The following SUFU variants were observed in gnomAD, a reference collection of about 807,000 sequenced individuals.
SUFU encodes the protein suppressor of fused homolog.
Under a neutral mutation model 58.9 loss-of-function variants are expected in SUFU, and 7 were observed. The ratio of observed to expected loss-of-function variants is 0.12; its 90% CI spans 0.07 to 0.22. The LOEUF is 0.22. Among genes scored for constraint, SUFU ranks in the 10% least tolerant of loss-of-function variants. SUFU has a pLI of 1.00. For missense variants in SUFU, 451 were observed against 641.3 expected, an observed-to-expected ratio of 0.70 and a Z score of 3.20; for synonymous variants, 232 against 254.8, an observed-to-expected ratio of 0.91 and a Z score of 0.85.
At chr10:102,618,980 A>T in intron 10 of SUFU, 4 of 718,526 alleles carry the variant, frequency 5.6e-6, no homozygotes, top group Non-Finnish European at 9.0e-6. Flanking sequence ...GTGTGTGTGT[A>T]ATGTTCAAGC....
chr10:102,540,257 C>G (rs1263133092), intron 2 of SUFU, among the ~76,000 whole-genome samples: 1 of 152,164 alleles, frequency 6.6e-6, no homozygotes, highest in East Asian at 1.9e-4. Context: ...GTGGCCAGAA[C>G]TAGGAAACAC....
At chr10:102,534,343 C>T (rs2062710975) in intron 2 of SUFU, among the ~76,000 whole-genome samples, 2 of 152,208 alleles carry the variant, frequency 1.3e-5, no homozygotes, top group Non-Finnish European at 2.9e-5. Flanking sequence ...AGGAGAATGG[C>T]GTGAACCCGG....
At chr10:102,556,337 G>A (rs564750346) in intron 3 of SUFU, among the ~76,000 whole-genome samples, 14 of 152,344 alleles carry the variant, frequency 9.2e-5, no homozygotes, top group Admixed American at 5.2e-4. Context: ...GGAGAGAAAA[G>A]GAAGTAGAAA....
At chr10:102,593,259 A>G (rs924120006) in intron 4 of SUFU, among the ~76,000 whole-genome samples, 2 of 152,180 alleles carry the variant, frequency 1.3e-5, no homozygotes, top group African/African-American at 4.8e-5. Context: ...TCTCTTGTTT[A>G]CATTCCCCAT....
At chr10:102,608,870 T>C (rs576636447) in intron 8 of SUFU, among the ~76,000 whole-genome samples, 30 of 152,354 alleles carry the variant, frequency 2.0e-4, no homozygotes, top group African/African-American at 6.7e-4. Flanking sequence ...ATGGGACATA[T>C]TCCATCCACC....
At chr10:102,530,021 G>A (rs934802362) in intron 2 of SUFU, among the ~76,000 whole-genome samples, 25 of 152,036 alleles carry the variant, frequency 1.6e-4, no homozygotes, top group Non-Finnish European at 1.2e-4. Context: ...GCCAGACACT[G>A]TGCTGTCACA....
At chr10:102,561,999 T>C (rs2063042796) in intron 3 of SUFU, among the ~76,000 whole-genome samples, 1 of 152,148 alleles carries the variant, frequency 6.6e-6, no homozygotes, top group Non-Finnish European at 1.5e-5. Flanking sequence ...TTGCACAGTT[T>C]AGAGTTCCAG....
chr10:102,602,157 C>A (rs1223576169), intron 8 of SUFU, among the ~76,000 whole-genome samples: 1 of 152,206 alleles, frequency 6.6e-6, no homozygotes, highest in African/African-American at 2.4e-5. Context: ...TTTATCTTAT[C>A]CTCATAGCCA....
intron 2 of SUFU, among the ~76,000 whole-genome samples, chr10:102,512,642 C>T (rs773949929): frequency 6.6e-6 from 1 of 152,066 alleles, no homozygotes; most frequent in Non-Finnish European, 1.5e-5. Context: ...AAGAGTGAAA[C>T]CTCTATTTGG....
At chr10:102,621,348 C>T (rs2063738810) in intron 10 of SUFU, among the ~76,000 whole-genome samples, 1 of 152,184 alleles carries the variant, frequency 6.6e-6, no homozygotes, top group South Asian at 2.1e-4. Context: ...AGTACCCTCC[C>T]TTGTAGGAAA....
chr10:102,615,908 A>G (rs999548795), intron 9 of SUFU, among the ~76,000 whole-genome samples: 1 of 152,036 alleles, frequency 6.6e-6, no homozygotes, highest in African/African-American at 2.4e-5. Context: ...TGGAGTCAGA[A>G]TCCACAGGGA....
intron 1 of SUFU, among the ~76,000 whole-genome samples, chr10:102,505,341 C>T (rs917229294): frequency 1.3e-5 from 2 of 152,214 alleles, no homozygotes; most frequent in Admixed American, 1.3e-4. Flanking sequence ...TGGAAAAGAA[C>T]CTGTCCTCAA....
chr10:102,561,775 C>G (rs1564681804), intron 3 of SUFU, among the ~76,000 whole-genome samples: 1 of 146,928 alleles, frequency 6.8e-6, no homozygotes, highest in South Asian at 2.1e-4. Flanking sequence ...CTCAGTTGAT[C>G]CTCTTATCTC....
chr10:102,613,272 C>T (rs529426169), intron 8 of SUFU, among the ~76,000 whole-genome samples: 7 of 152,360 alleles, frequency 4.6e-5, no homozygotes, highest in South Asian at 2.1e-4. Context: ...TGCGCAAAGG[C>T]GAAGCCAGGG....
Position 102,504,050 on chromosome 10 carries a change from C to G in SUFU, c.-103C>G. 1 of 1,415,816 alleles carries G rather than the reference C, an allele frequency of 7.1e-7. No individual in the cohort carries two copies. Among genetic ancestry groups the G allele is most frequent in the Non-Finnish European group, 9.3e-7 (1 of 1,077,162 alleles). The allele number at this position is 1,415,816 out of a possible 1,614,324, so 87.7% of individuals were successfully genotyped here. ...AGCTAGACCTCGCTGCAGCCCCCAT[C>G]GCCTCGGGGAGTCTCACCCACCGAG... On this transcript the variant is annotated 5_prime_UTR_variant, in exon 1 of 12. The change creates a new upstream start codon in the 5' untranslated region. Transcript: ENST00000369902.
intron 3 of SUFU, among the ~76,000 whole-genome samples, chr10:102,567,533 G>A (rs1197443214): frequency 2.0e-5 from 3 of 152,138 alleles, no homozygotes; most frequent in African/African-American, 4.8e-5. Flanking sequence ...AGGACCAAGA[G>A]AACAGAATGG....
intron 3 of SUFU, among the ~76,000 whole-genome samples, chr10:102,564,505 G>T (rs1167686199): frequency 6.6e-6 from 1 of 152,090 alleles, no homozygotes; most frequent in South Asian, 2.1e-4. Context: ...GCTAATTTTT[G>T]TATTTTTAGT....
chr10:102,549,862 G>A (rs1243472778), intron 2 of SUFU, 108 bp from the exon 3 acceptor site: 1 of 1,417,994 alleles, frequency 7.1e-7, no homozygotes, highest in East Asian at 2.3e-5. Flanking sequence ...CTGAATGGAG[G>A]ATTTGGATAC....
At chr10:102,577,900 C>T (rs1233795310) in intron 3 of SUFU, among the ~76,000 whole-genome samples, 2 of 148,494 alleles carry the variant, frequency 1.3e-5, no homozygotes, top group East Asian at 2.1e-4. Flanking sequence ...CCAGGATGGT[C>T]TCCATCTCCT....
Sources: gnomAD v4.1 joint callset for allele counts (sites outside exome capture counted in the v4.1 genomes callset) on GRCh38, gnomAD v4.1.1 for gene constraint, MANE v1.5 for transcripts, NCBI Gene and HGNC (gene_info 2026-07-23, HGNC 2026-07-21) for gene names.